The following PCLO variants were observed in gnomAD, a reference collection of about 807,000 sequenced individuals.
PCLO encodes protein piccolo.
In PCLO, 82 loss-of-function variants were observed where a neutral mutation model predicts 427.5. That is an observed-to-expected ratio of 0.19 (90% CI 0.16 to 0.23). PCLO has a LOEUF of 0.23. Ranked by LOEUF, PCLO falls within the 10% of genes least tolerant of loss-of-function variation. The pLI is 1.00. For synonymous variants in PCLO, 2,357 were observed against 2,155.4 expected, an observed-to-expected ratio of 1.09 and a Z score of -2.59; for missense variants, 6,239 against 6,115.9, an observed-to-expected ratio of 1.02 and a Z score of -0.67.
At chr7:82,770,191 T>G (rs1021980569) in intron 22 of PCLO, among the ~76,000 whole-genome samples, 2 of 152,124 alleles carry the variant, frequency 1.3e-5, no homozygotes, top group Non-Finnish European at 2.9e-5. Context: ...GTACAATCCC[T>G]GAAGTGATAA....
chr7:82,813,983 G>A (rs1376114101), intron 20 of PCLO, among the ~76,000 whole-genome samples: 1 of 151,592 alleles, frequency 6.6e-6, no homozygotes, highest in African/African-American at 2.4e-5. Context: ...TGTAGATAAT[G>A]GAAGATGAAA....
At position 83,117,717 on chromosome 7, in the gene PCLO, T is replaced by C. The variant is rs148804718; in HGVS notation, c.3300+16533A>G. On this transcript the variant is annotated intron_variant, in intron 3 of 24. Coordinates refer to ENST00000333891, the MANE Select transcript of PCLO (RefSeq NM_033026.6). ...GGACAAAGGGAAACAGATGCAAATATGCTGATGCTCAGGCTACCTGATGTG... is the reference window on the plus strand; with the variant it reads ...GGACAAAGGGAAACAGATGCAAATACGCTGATGCTCAGGCTACCTGATGTG... Among the ~76,000 whole-genome samples, 509 of 152,306 alleles carry C rather than the reference T, an allele frequency of 3.3e-3. 2 individuals carry two copies. Among genetic ancestry groups the C allele is most frequent in the African/African-American group, 0.012 (492 of 41,562 alleles).
intron 3 of PCLO, among the ~76,000 whole-genome samples, chr7:83,043,918 T>TTTTTTTTTTTTTTTTTTTTTTTTTTC (rs1789037505): frequency 9.4e-6 from 1 of 106,604 alleles, no homozygotes; most frequent in Non-Finnish European, 1.9e-5. Flanking sequence ...TTTTCTTTTT[T>TTTTTTTTTTTTTTTTTTTTTTTTTTC]TTTTTTTTTT....
At chr7:83,133,079 G>A (rs1194449256) in intron 3 of PCLO, among the ~76,000 whole-genome samples, 1 of 151,796 alleles carries the variant, frequency 6.6e-6, no homozygotes, top group African/African-American at 2.4e-5. Flanking sequence ...TAAACTTGTA[G>A]CAACAACATT....
rs779111466 is a variant in PCLO at position 82,954,163 on chromosome 7, TAAC to T, written c.6787_6789del (p.Val2263del). On this transcript the variant is annotated inframe_deletion, in exon 5 of 25. Coordinates refer to ENST00000333891, the MANE Select transcript of PCLO (RefSeq NM_033026.6). Reference sequence around the variant, plus strand: ...GAAGATGCCATATCAGATAAGGAAATAACAATATGATCAGCACTAGCTCTACCA... The same window carrying T: ...GAAGATGCCATATCAGATAAGGAAATAATATGATCAGCACTAGCTCTACCA... 3 of 1,613,882 alleles carry T rather than the reference TAAC, an allele frequency of 1.9e-6. No individual in the cohort carries two copies. The highest frequency in any genetic ancestry group is 1.1e-5 in the South Asian group (1 of 91,078).
intron 15 of PCLO, among the ~76,000 whole-genome samples, chr7:82,837,790 C>T (rs1259789949): frequency 6.6e-6 from 1 of 151,918 alleles, no homozygotes; most frequent in Non-Finnish European, 1.5e-5. Context: ...TTAATCAACA[C>T]TAACATAATG....
intron 16 of PCLO, among the ~76,000 whole-genome samples, chr7:82,828,968 G>A (rs1792022490): frequency 6.6e-6 from 1 of 152,076 alleles, no homozygotes; most frequent in Non-Finnish European, 1.5e-5. Flanking sequence ...CCCTAAAAGG[G>A]GGCTGGACCC....
At chr7:83,158,840 T>C (rs1296690500) in intron 1 of PCLO, among the ~76,000 whole-genome samples, 1 of 151,806 alleles carries the variant, frequency 6.6e-6, no homozygotes, top group Non-Finnish European at 1.5e-5. Context: ...ACTATGTAAA[T>C]AAAAGTAAAA....
intron 22 of PCLO, among the ~76,000 whole-genome samples, chr7:82,793,599 G>A (rs1791153507): frequency 6.6e-6 from 1 of 152,066 alleles, no homozygotes; most frequent in Non-Finnish European, 1.5e-5. Flanking sequence ...TACTAGAAAT[G>A]TCTGTACCCC....
intron 8 of PCLO, among the ~76,000 whole-genome samples, chr7:82,904,456 T>G (rs1794134836): frequency 6.6e-6 from 1 of 152,000 alleles, no homozygotes; most frequent in Admixed American, 6.6e-5. Flanking sequence ...CATTGAAAAT[T>G]TTGTAACTGT....
rs372261766 is a variant in PCLO at position 83,047,129 on chromosome 7, T to C, written c.3301-80642A>G. ...ATGTAGATAAGCAAGGCAAAGAATG[T>C]TTCTTATTACATAAATCAAATTTGT... On this transcript the variant is annotated intron_variant, in intron 3 of 24. Transcript: ENST00000333891. Among the ~76,000 whole-genome samples, 11 of 152,142 alleles carry C rather than the reference T, an allele frequency of 7.2e-5. 1 individual carries two copies. In the South Asian group the frequency reaches 1.2e-3, roughly 17 times the overall value.
intron 9 of PCLO, among the ~76,000 whole-genome samples, chr7:82,882,605 G>A (rs1418169126): frequency 1.3e-5 from 2 of 152,128 alleles, no homozygotes; most frequent in African/African-American, 4.8e-5. Context: ...TTAAGAAAGT[G>A]TTATAGAGAA....
At chr7:82,874,395 T>C (rs546804916) in intron 10 of PCLO, among the ~76,000 whole-genome samples, 1 of 152,224 alleles carries the variant, frequency 6.6e-6, no homozygotes, top group South Asian at 2.1e-4. Flanking sequence ...CGCAATGAGA[T>C]TACAGGAGTG....
rs1234336225 is a variant in PCLO, at chr7:82,953,890, G to C, written c.7063C>G (p.Gln2355Glu). The C allele has an allele frequency of 6.2e-7, 1 of 1,613,858 alleles. No homozygotes were observed. The highest frequency in any genetic ancestry group is 1.1e-5 in the South Asian group (1 of 91,084). Residue 2355 changes from glutamine to glutamate, a missense_variant, in exon 5 of 25, where the codon CAG (glutamine) becomes GAG (glutamate). Gln to Glu is a conservative substitution (Grantham distance 29). Transcript: ENST00000333891. The part of the protein sequence containing the change: ...SSVIALPMKE[Q>E]LSTTYFTSGE... ...GATGTAAAGTATGTAGTTGAAAGCTGCTCTTTCATTGGAAGGGCTATTACA... is the reference window on the plus strand; with the variant it reads ...GATGTAAAGTATGTAGTTGAAAGCTCCTCTTTCATTGGAAGGGCTATTACA...
At chr7:82,760,943 C>CTTTTTTTTTTTTTT (rs767222339) in intron 23 of PCLO, among the ~76,000 whole-genome samples, 159 bp from the exon 24 acceptor site, 3 of 60,396 alleles carry the variant, frequency 5.0e-5, no homozygotes, top group African/African-American at 2.0e-4. Flanking sequence ...AAAGATATGT[C>CTTTTTTTTTTTTTT]TTTTTTTTTT....
intron 9 of PCLO, among the ~76,000 whole-genome samples, chr7:82,886,396 C>T (rs921641510): frequency 6.6e-6 from 1 of 151,956 alleles, no homozygotes; most frequent in Admixed American, 6.6e-5. Context: ...AAGCAATTGG[C>T]TTAATATTTC....
At chr7:82,866,991 C>T (rs1361155528) in intron 10 of PCLO, among the ~76,000 whole-genome samples, 1 of 152,128 alleles carries the variant, frequency 6.6e-6, no homozygotes, top group Non-Finnish European at 1.5e-5. Flanking sequence ...GGTTCTAATG[C>T]AAGCAGAGTC....
chr7:82,908,067 A>T (rs1562850146), intron 8 of PCLO, among the ~76,000 whole-genome samples: 1 of 152,040 alleles, frequency 6.6e-6, no homozygotes, highest in African/African-American at 2.4e-5. Flanking sequence ...TAAGTCAACT[A>T]TTTTGGATAT....
chr7:82,853,946 T>G (rs547373342), intron 10 of PCLO, among the ~76,000 whole-genome samples: 1 of 152,280 alleles, frequency 6.6e-6, no homozygotes, highest in East Asian at 1.9e-4. Flanking sequence ...TAAATATGCA[T>G]TTTTTGAGCT....
Sources: allele counts gnomAD v4.1 joint callset (sites outside exome capture counted in the v4.1 genomes callset), GRCh38; gene constraint gnomAD v4.1.1; transcripts MANE v1.5; gene names NCBI Gene and HGNC (gene_info 2026-07-23, HGNC 2026-07-21).